ICE2: variants seen among roughly 807,000 people sequenced by gnomAD.
ICE2 encodes little elongation complex subunit 2.
In ICE2, 87 loss-of-function variants were observed where a neutral mutation model predicts 105.4. The ratio of observed to expected loss-of-function variants is 0.83; its 90% CI spans 0.69 to 0.99. The LOEUF is 0.99. Ranked by LOEUF, ICE2 falls within the 50% of genes least tolerant of loss-of-function variation. The pLI is 0.00. For synonymous variants in ICE2, 399 were observed against 392.0 expected, an observed-to-expected ratio of 1.02 and a Z score of -0.21; for missense variants, 1,323 against 1,146.7, an observed-to-expected ratio of 1.15 and a Z score of -2.22.
rs2063865609 is a variant in ICE2, at chr15:60,448,112, T to A, written c.2153A>T (p.Asp718Val). Residue 718 changes from aspartate to valine, a missense_variant, in exon 11 of 16, where the codon GAT becomes GTT. Asp to Val is a radical substitution (Grantham distance 152, BLOSUM62 -3). Coordinates refer to ENST00000261520, the MANE Select transcript of ICE2 (RefSeq NM_024611.6). ...LPYELQDYVEDTSEYLAPQEG... is the reference protein window; with the variant it reads ...LPYELQDYVEVTSEYLAPQEG... ...CTGAGGAGCTAGGTATTCCGATGTA[T>A]CTTCAACATAGTCCTGAAGTTCATA... 2 of 1,612,368 alleles carry A rather than the reference T, an allele frequency of 1.2e-6. No individual in the cohort carries two copies. The highest frequency in any genetic ancestry group is 2.7e-5 in the African/African-American group (2 of 74,910).
Position 60,419,995 on chromosome 15 carries a change from A to G in ICE2, c.*3639T>C, listed in dbSNP as rs2063226581. On this transcript the variant is annotated 3_prime_UTR_variant, in exon 16 of 16. Transcript: ENST00000261520. Reference sequence around the variant, plus strand: ...GACTGCAGCCCTAGCCAAGAGCCTGACTGCAACTTCATGAGAGACCTGGAC... The same window carrying G: ...GACTGCAGCCCTAGCCAAGAGCCTGGCTGCAACTTCATGAGAGACCTGGAC... 1 of 152,208 alleles carries G rather than the reference A, an allele frequency of 6.6e-6. No individual in the cohort carries two copies. Among genetic ancestry groups the G allele is most frequent in the Admixed American group, 6.5e-5 (1 of 15,278 alleles). 9.4% of individuals were successfully genotyped at this position (152,208 alleles called of 1,614,324 possible).
intron 11 of ICE2, among the ~76,000 whole-genome samples, chr15:60,446,561 A>T (rs942159270): frequency 5.9e-5 from 9 of 152,036 alleles, no homozygotes; most frequent in Admixed American, 5.9e-4. Context: ...ATACCCGGCT[A>T]ATTTTTTGTA....
At chr15:60,425,478 A>C (rs921424187) in intron 15 of ICE2, among the ~76,000 whole-genome samples, 5 of 152,232 alleles carry the variant, frequency 3.3e-5, no homozygotes, top group African/African-American at 7.2e-5. Context: ...AAAAGGGATA[A>C]GTGTGAAGCT....
intron 7 of ICE2, 65 bp downstream of exon 7, chr15:60,455,261 G>A: frequency 1.3e-6 from 2 of 1,537,372 alleles, no homozygotes; most frequent in African/African-American, 1.4e-5. Flanking sequence ...GGACAATCGG[G>A]TTAGATATAT....
At chr15:60,472,500 T>C (rs1389076613) in intron 3 of ICE2, among the ~76,000 whole-genome samples, 1 of 152,230 alleles carries the variant, frequency 6.6e-6, no homozygotes, top group Non-Finnish European at 1.5e-5. Flanking sequence ...GTATTTTTTC[T>C]ATAGTACAAA....
rs375766741 is a variant in ICE2 at position 60,453,746 on chromosome 15, G to T, written c.982C>A (p.Leu328Ile). ...PVKVIYINSP[L>I]PQKKMTMRER... ...CTCATAGTCATTTTCTTTTGGGGAA[G>T]TGGTGAATTAATATATATTACTTTA... Residue 328 changes from leucine (L) to isoleucine (I), a missense_variant, in exon 9 of 16, where the codon CTT becomes ATT. Leu to Ile is a conservative substitution (Grantham distance 5). Transcript: ENST00000261520. 4 of 1,594,434 alleles carry T rather than the reference G, an allele frequency of 2.5e-6. No individual in the cohort carries two copies. The African/African-American group carries it at 5.4e-5, about 21-fold the overall frequency.
At position 60,478,042 on chromosome 15, in the gene ICE2, A is replaced by T. The variant is rs2064815667; in HGVS notation, c.-65T>A. On this transcript the variant is annotated 5_prime_UTR_variant, in exon 2 of 16. Coordinates refer to ENST00000261520, the MANE Select transcript of ICE2 (RefSeq NM_024611.6). ...GCTGCCTGGCTGCGAAGGCTCCAAG[A>T]GGCAGGATCCCTCCAGAACTTACTC... The T allele has an allele frequency of 6.9e-6, 10 of 1,456,840 alleles. No individual in the cohort carries two copies. Among genetic ancestry groups the T allele is most frequent in the Non-Finnish European group, 9.6e-6 (10 of 1,037,332 alleles). 90.2% of individuals were successfully genotyped at this position (1,456,840 alleles called of 1,614,324 possible).
chr15:60,433,561 G>A (rs952320486), intron 13 of ICE2, among the ~76,000 whole-genome samples: 16 of 150,952 alleles, frequency 1.1e-4, no homozygotes, highest in Admixed American at 3.3e-4. Context: ...GCACGATCTC[G>A]GCTCACTGCA....
Position 60,437,083 on chromosome 15 carries a change from T to C in ICE2, c.2426-856A>G, listed in dbSNP as rs1021864073. Reference sequence around the variant, plus strand: ...GCCTGGCCAACATGGTGAAACCTCGTCTCTACTAAAAACATAAAAAAATTA... The same window carrying C: ...GCCTGGCCAACATGGTGAAACCTCGCCTCTACTAAAAACATAAAAAAATTA... On this transcript the variant is annotated intron_variant, in intron 12 of 15. Coordinates refer to ENST00000261520, the MANE Select transcript of ICE2 (RefSeq NM_024611.6). Among the ~76,000 whole-genome samples, 18 of 151,510 alleles carry C rather than the reference T, an allele frequency of 1.2e-4. No individual in the cohort carries two copies. In the East Asian group the frequency reaches 3.4e-3, roughly 28 times the overall value.
At chr15:60,457,568 C>G (rs1358501945) in intron 5 of ICE2, among the ~76,000 whole-genome samples, 1 of 152,078 alleles carries the variant, frequency 6.6e-6, no homozygotes, top group Non-Finnish European at 1.5e-5. Flanking sequence ...TATCTTTATC[C>G]TATATATCTA....
At chr15:60,435,365 C>T (rs969611221) in intron 13 of ICE2, among the ~76,000 whole-genome samples, 2 of 151,292 alleles carry the variant, frequency 1.3e-5, no homozygotes, top group African/African-American at 2.4e-5. Flanking sequence ...TTTGGGAGGC[C>T]GAGGCAGGAG....
At position 60,449,009 on chromosome 15, in the gene ICE2, T is replaced by A. The variant is rs760974785; in HGVS notation, c.1958A>T (p.Asp653Val). ...TCTGGAAATTGGCTTTAAGAGCTCA[T>A]CCTGCATTTTTAAAATCTCTCCAAC... ...DPVGEILKMQDELLKPISRKV... is the reference protein window; with the variant it reads ...DPVGEILKMQVELLKPISRKV... The change falls in exon 10 of 16, where the codon GAT becomes GTT. Residue 653 changes from aspartate (D) to valine (V), a missense_variant. Asp to Val is a radical substitution (Grantham distance 152). Coordinates refer to ENST00000261520, the MANE Select transcript of ICE2 (RefSeq NM_024611.6). The A allele has an allele frequency of 1.2e-6, 2 of 1,613,876 alleles. No individual in the cohort carries two copies. The highest frequency in any genetic ancestry group is 1.7e-6 in the Non-Finnish European group (2 of 1,179,974).
At chr15:60,432,341 C>A (rs1273263403) in intron 13 of ICE2, among the ~76,000 whole-genome samples, 1 of 151,726 alleles carries the variant, frequency 6.6e-6, no homozygotes, top group Non-Finnish European at 1.5e-5. Context: ...GCATGCGCCA[C>A]CACACCAGGC....
chr15:60,442,330 CAGAAT>C, intron 12 of ICE2, 81 bp downstream of exon 12: 1 of 1,222,432 alleles, frequency 8.2e-7, no homozygotes, highest in Non-Finnish European at 1.2e-6. Context: ...TAAAAAAGGG[CAGAAT>C]AGAAGTATTC....
In ICE2 at chr15:60,472,097, C is replaced by T. The variant is rs539158236; in HGVS notation, c.147-3775G>A. ...TTTACAGTGGCTATTTCTACATGAA[C>T]GGCTCATGGGTCATTTTAATATCCT... On this transcript the variant is annotated intron_variant, in intron 3 of 15. Coordinates refer to ENST00000261520, the MANE Select transcript of ICE2 (RefSeq NM_024611.6). Among the ~76,000 whole-genome samples the T allele has an allele frequency of 4.4e-4, 67 of 151,596 alleles. 1 individual carries two copies. The South Asian group carries it at 0.013, about 30-fold the overall frequency.
chr15:60,436,818 TTA>T (rs1226819649), intron 12 of ICE2, among the ~76,000 whole-genome samples: 2 of 152,052 alleles, frequency 1.3e-5, no homozygotes, highest in East Asian at 1.9e-4. Flanking sequence ...ATATGTATTT[TTA>T]TGTTAATACA....
chr15:60,428,454 G>C lies in ICE2; in HGVS notation c.2795C>G (p.Ser932Ter). ...GRIPCTFPPK[S>*]LDTTTQQKIG... ...CTTTTGTTGTGTTGTGGTATCCAGTGATTTCGGTGGAAAAGTACAAGGTAT... is the reference window on the plus strand; with the variant it reads ...CTTTTGTTGTGTTGTGGTATCCAGTCATTTCGGTGGAAAAGTACAAGGTAT... Residue 932 changes from serine to a stop codon, truncating the protein, a stop_gained, in exon 15 of 16, where the codon TCA becomes TGA. Transcript: ENST00000261520. LOFTEE classifies it high-confidence loss of function. 1 of 1,613,978 alleles carries C rather than the reference G, an allele frequency of 6.2e-7. No individual in the cohort carries two copies. Among genetic ancestry groups the C allele is most frequent in the African/African-American group, 1.3e-5 (1 of 75,042 alleles).
intron 12 of ICE2, 97 bp downstream of exon 12, chr15:60,442,319 G>C: frequency 6.1e-6 from 7 of 1,156,416 alleles, no homozygotes; most frequent in Non-Finnish European, 8.6e-6. Context: ...AAAAACGAAA[G>C]TAAAAAAGGG....
chr15:60,440,795 C>G (rs1004911781), intron 12 of ICE2: 2 of 151,878 alleles, frequency 1.3e-5, no homozygotes, highest in African/African-American at 4.8e-5. Flanking sequence ...ACCAAAAAAC[C>G]CCGAACAAAC....
Sources: allele counts gnomAD v4.1 joint callset (sites outside exome capture counted in the v4.1 genomes callset), GRCh38; gene constraint gnomAD v4.1.1; transcripts MANE v1.5; gene names NCBI Gene and HGNC (gene_info 2026-07-23, HGNC 2026-07-21).